Variants in MXRA5 observed in about 807,000 individuals in gnomAD.
The protein encoded by MXRA5 is matrix-remodeling-associated protein 5.
MXRA5 carries 41 observed loss-of-function variants against 112.5 expected under a neutral mutation model. The ratio of observed to expected loss-of-function variants is 0.36; its 90% CI spans 0.28 to 0.47. The LOEUF (loss-of-function observed/expected upper bound fraction) is 0.47. MXRA5 is among the 20% of genes least tolerant of loss of function. MXRA5 has a pLI of 0.99. For synonymous variants in MXRA5, 862 were observed against 900.8 expected, an observed-to-expected ratio of 0.96 and a Z score of 0.77; for missense variants, 2,150 against 2,251.0, an observed-to-expected ratio of 0.96 and a Z score of 0.91.
At chrX:3,313,349 T>G (rs1339168624) in intron 6 of MXRA5, among the ~76,000 whole-genome samples, 1 of 112,635 alleles carries the variant, frequency 8.9e-6, no homozygotes, top group Admixed American at 9.3e-5. Context: ...AACCTCCGCC[T>G]CCCAGGTTCA....
At chrX:3,341,714 A>C (rs1386366563) in intron 2 of MXRA5, among the ~76,000 whole-genome samples, 2 of 88,637 alleles carry the variant, frequency 2.3e-5, no homozygotes, top group African/African-American at 8.1e-5. Context: ...AAATATATAC[A>C]TTCTGCATCA....
At chrX:3,319,783 G>A (rs190857551) in intron 5 of MXRA5, among the ~76,000 whole-genome samples, 7 of 111,311 alleles carry the variant, frequency 6.3e-5, no homozygotes, top group Admixed American at 3.8e-4. Flanking sequence ...CAATATACCC[G>A]TGTGACAAGC....
rs747352727 is a variant in MXRA5, at chrX:3,322,862, T to C, written c.2823A>G (p.Thr941=). ...YEKPTHEETA[T]EGWSAADVGS... Reference sequence around the variant, plus strand: ...CAACATCTGCTGCAGACCAACCCTCTGTTGCCGTCTCTTCATGGGTGGGCT... The same window carrying C: ...CAACATCTGCTGCAGACCAACCCTCCGTTGCCGTCTCTTCATGGGTGGGCT... The change falls in exon 5 of 7, where the codon ACA becomes ACG. Residue 941 remains threonine (T), a synonymous_variant. Transcript: ENST00000217939. 5 of 1,211,550 alleles carry C rather than the reference T, an allele frequency of 4.1e-6. No homozygotes were observed. The South Asian group carries it at 8.8e-5, about 21-fold the overall frequency.
Position 3,339,703 on chromosome X carries a change from G to C in MXRA5, c.188+3943C>G, listed in dbSNP as rs986489343. ...TTGAGTACCCCCTCTCAGAACCCAAGGGTATACATGTCCCCTTCTTGCATC... is the reference window on the plus strand; with the variant it reads ...TTGAGTACCCCCTCTCAGAACCCAACGGTATACATGTCCCCTTCTTGCATC... On this transcript the variant is annotated intron_variant, in intron 2 of 6. Transcript: ENST00000217939. Among the ~76,000 whole-genome samples the C allele has an allele frequency of 3.6e-5, 4 of 111,735 alleles. No homozygotes were observed. In the Admixed American group the frequency reaches 3.8e-4, roughly 11 times the overall value.
Position 3,321,269 on chromosome X carries a change from G to A in MXRA5, c.4416C>T (p.Leu1472=), listed in dbSNP as rs1313199193. 5 of 1,209,719 alleles carry A rather than the reference G, an allele frequency of 4.1e-6. No individual in the cohort carries two copies. Among genetic ancestry groups the A allele is most frequent in the Non-Finnish European group, 5.6e-6 (5 of 895,192 alleles). ...GATTCTGTGGTCTAGTTTCAGAAAG[G>A]AGAATAGCCACAGTGGTTTCAAGAT... ...QDHLETTVAI[L]LSETRPQNHT... is the part of the protein sequence containing the mutation. Residue 1472 remains leucine, a synonymous_variant, in exon 5 of 7, where the codon CTC becomes CTT. Coordinates refer to ENST00000217939, the MANE Select transcript of MXRA5 (RefSeq NM_015419.4).
intron 2 of MXRA5, among the ~76,000 whole-genome samples, chrX:3,336,369 TC>T (rs917841428): frequency 8.9e-6 from 1 of 111,777 alleles, no homozygotes; most frequent in Non-Finnish European, 1.9e-5. Flanking sequence ...CCAAAACTAC[TC>T]CCTCCACAAT....
chrX:3,309,511 T>G lies in MXRA5; in HGVS notation c.*205A>C, dbSNP rs6655058. On this transcript the variant is annotated 3_prime_UTR_variant, in exon 7 of 7. Transcript: ENST00000217939. ...TGATGTAAACACAAAAGAAAGTGTC[T>G]CAGCAAGGCTGAGCCCTCCTTCTCG... 2 of 418,582 alleles carry G rather than the reference T, an allele frequency of 4.8e-6. No homozygotes were observed. Among genetic ancestry groups the G allele is most frequent in the Admixed American group, 4.4e-5 (1 of 22,606 alleles). The allele number at this position is 418,582 out of a possible 1,213,427, so 34.5% of individuals were successfully genotyped here.
intron 2 of MXRA5, among the ~76,000 whole-genome samples, chrX:3,333,874 G>A (rs1416597865): frequency 8.9e-6 from 1 of 111,880 alleles, no homozygotes; most frequent in Non-Finnish European, 1.9e-5. Flanking sequence ...TTCCTGCAGA[G>A]TATAATAAAG....
chrX:3,319,471 G>A (rs769560772), intron 5 of MXRA5, among the ~76,000 whole-genome samples: 44 of 112,539 alleles, frequency 3.9e-4, no homozygotes, highest in African/African-American at 1.4e-3. Flanking sequence ...TGAACTCCTC[G>A]GGCTAGCTGG....
At position 3,309,935 on chromosome X, in the gene MXRA5, C is replaced by T. The variant is rs1411285154; in HGVS notation, c.8268G>A (p.Met2756Ile). 1 of 1,209,192 alleles carries T rather than the reference C, an allele frequency of 8.3e-7. No individual in the cohort carries two copies. Among genetic ancestry groups the T allele is most frequent in the Admixed American group, 2.2e-5 (1 of 45,734 alleles). Residue 2756 changes from methionine to isoleucine, a missense_variant, in exon 7 of 7, where the codon ATG becomes ATA. Coordinates refer to ENST00000217939, the MANE Select transcript of MXRA5 (RefSeq NM_015419.4). ...TGTCAGCTTTGGGAATCCCCATAGC[C>T]ATGCAGTTCAGTTTCACGGTGTTCC... ...RPGNTVKLNC[M>I]AMGIPKADIT...
intron 3 of MXRA5, 56 bp from the exon 4 acceptor site, chrX:3,330,464 A>G (rs1921638516): frequency 8.8e-7 from 1 of 1,137,779 alleles, no homozygotes; most frequent in African/African-American, 1.8e-5. Flanking sequence ...ATAGTTTAAA[A>G]AGCCACAACC....
intron 2 of MXRA5, among the ~76,000 whole-genome samples, chrX:3,339,596 A>T (rs768181983): frequency 9.0e-6 from 1 of 111,357 alleles, no homozygotes; most frequent in Admixed American, 9.6e-5. Context: ...GGCATTAGAG[A>T]GCTTGCAGAT....
intron 4 of MXRA5, among the ~76,000 whole-genome samples, chrX:3,329,789 C>T (rs1391442996): frequency 1.8e-5 from 2 of 111,700 alleles, no homozygotes; most frequent in Admixed American, 9.5e-5. Context: ...TACATGAGCA[C>T]TACATTTCAC....
intron 6 of MXRA5, among the ~76,000 whole-genome samples, chrX:3,314,803 G>T (rs1921049448): frequency 9.1e-6 from 1 of 109,386 alleles, no homozygotes; most frequent in South Asian, 3.9e-4. Flanking sequence ...CCAAAAAAAT[G>T]TTGCCAGACA....
At chrX:3,316,055 TTGCAGAAAAAG>T (rs1391089726) in intron 6 of MXRA5, among the ~76,000 whole-genome samples, 1 of 19,549 alleles carries the variant, frequency 5.1e-5, no homozygotes, top group East Asian at 1.9e-3. Context: ...CAAAATTTCA[TTGCAGAAAAAG>T]CACACACTGG....
chrX:3,320,400 C>G lies in MXRA5; in HGVS notation c.5285G>C (p.Arg1762Thr). 2 of 1,211,612 alleles carry G rather than the reference C, an allele frequency of 1.7e-6. No homozygotes were observed. The highest frequency in any genetic ancestry group is 2.2e-6 in the Non-Finnish European group (2 of 895,381). ...PTSPAPVMRE[R>T]KVIPGSYNRI... The stretch of plus-strand genomic sequence containing the variant: ...GTTGTAGGAACCTGGAATAACTTTT[C>G]TCTCTCTCATTACTGGGGCAGGAGA... Residue 1762 changes from arginine (R) to threonine (T), a missense_variant, in exon 5 of 7, where the codon AGA (arginine) becomes ACA (threonine). By Grantham distance (71) the Arg-to-Thr change is moderately conservative (BLOSUM62 -1). This residue lies in a region of MXRA5 where 1,485 missense variants were observed against 1,471.6 expected (regional missense o/e 1.01). Coordinates refer to ENST00000217939, the MANE Select transcript of MXRA5 (RefSeq NM_015419.4).
rs764974579 is a variant in MXRA5 at position 3,310,215 on chromosome X, C to A, written c.7988G>T (p.Gly2663Val). The A allele has an allele frequency of 4.1e-6, 5 of 1,211,753 alleles. No individual in the cohort carries two copies. The South Asian group carries it at 8.8e-5, about 21-fold the overall frequency. The change falls in exon 7 of 7, where the codon GGG (glycine) becomes GTG (valine). Residue 2663 changes from glycine (G) to valine (V), a missense_variant. Gly to Val is a moderately radical substitution (Grantham distance 109). Coordinates refer to ENST00000217939, the MANE Select transcript of MXRA5 (RefSeq NM_015419.4). ...ETLKLPCTPP[G>V]AGQGRFSWTL... ...CCAGGAGAAACGTCCCTGCCCAGCC[C>A]CGGGAGGGGTGCAGGGGAGCTTCAG...
In MXRA5 at chrX:3,317,431, C is replaced by G. The variant is rs766154632; in HGVS notation, c.6250G>C (p.Gly2084Arg). ...GAGGGGCGGATCTGGGTACCGTCCC[C>G]GAGCACCCAGCGCACGCTGGGCAGG... is the stretch of plus-strand genomic sequence containing the variant. ...APLPSVRWVL[G>R]DGTQIRPSQF... Residue 2084 changes from glycine to arginine, a missense_variant, in exon 6 of 7, where the codon GGG (glycine) becomes CGG (arginine). Transcript: ENST00000217939. 1.7e-6 allele frequency: 2 copies of G among 1,198,827 alleles called. No homozygotes were observed. The highest frequency in any genetic ancestry group is 1.8e-5 in the South Asian group (1 of 55,248).
chrX:3,343,732 G>A lies in MXRA5; in HGVS notation c.102C>T (p.Tyr34=), dbSNP rs781498505. The change falls in exon 2 of 7, where the codon TAC becomes TAT. Residue 34 remains tyrosine (Y), a synonymous_variant. Coordinates refer to ENST00000217939, the MANE Select transcript of MXRA5 (RefSeq NM_015419.4). ...ACGTGCAGTGGACCTCGCTGGGGACGTAGCAGGCACAAGGATGCGGGCAGG... is the reference window on the plus strand; with the variant it reads ...ACGTGCAGTGGACCTCGCTGGGGACATAGCAGGCACAAGGATGCGGGCAGG... ...ALACPHPCAC[Y]VPSEVHCTFR... 1 of 1,210,001 alleles carries A rather than the reference G, an allele frequency of 8.3e-7. No homozygotes were observed. Among genetic ancestry groups the A allele is most frequent in the African/African-American group, 1.7e-5 (1 of 57,320 alleles).
Sources: allele counts gnomAD v4.1 joint callset (sites outside exome capture counted in the v4.1 genomes callset), GRCh38; gene constraint gnomAD v4.1.1; regional missense constraint gnomAD v4.1.1; transcripts MANE v1.5; gene names NCBI Gene and HGNC (gene_info 2026-07-23, HGNC 2026-07-21).